The following BNC2 variants were observed in gnomAD, a reference collection of about 807,000 sequenced individuals.
BNC2 encodes zinc finger protein basonuclin-2.
In BNC2, 20 loss-of-function variants were observed where a neutral mutation model predicts 76.3. That is an observed-to-expected ratio of 0.26 (90% CI 0.18 to 0.38). The LOEUF (loss-of-function observed/expected upper bound fraction) is 0.38. Among genes scored for constraint, BNC2 ranks in the 10% least tolerant of loss-of-function variants. The pLI is 1.00. For missense variants in BNC2, 1,382 were observed against 1,399.8 expected, an observed-to-expected ratio of 0.99 and a Z score of 0.20; for synonymous variants, 582 against 514.8, an observed-to-expected ratio of 1.13 and a Z score of -1.77.
chr9:16,727,117 C>CGGCGGGCCGGCGGGCG (rs1242018273), intron 3 of BNC2: 5 of 152,716 alleles, frequency 3.3e-5, no homozygotes, highest in Admixed American at 3.3e-4. Context: ...GTGAGTGCGC[C>CGGCGGGCCGGCGGGCG]GGCGGGCCGG....
intron 5 of BNC2, among the ~76,000 whole-genome samples, chr9:16,512,963 C>T (rs1045334613): frequency 6.6e-5 from 10 of 151,992 alleles, no homozygotes; most frequent in African/African-American, 2.2e-4. Context: ...TGGTGAAACC[C>T]GTCTCCACTA....
In BNC2 at chr9:16,506,514, T is replaced by C. The variant is rs556498902; in HGVS notation, c.669+46016A>G. 0.013 allele frequency among the ~76,000 whole-genome samples: 164 copies of C among 12,342 alleles called. 4 individuals carry two copies. In the South Asian group the frequency reaches 0.28, roughly 21 times the overall value. 8.1% of individuals were successfully genotyped at this position (12,342 alleles called of 152,430 possible). A position where few individuals can be genotyped will look rare whatever the true frequency, so the allele number is the denominator to read the frequency against. On this transcript the variant is annotated intron_variant, in intron 5 of 6. Transcript: ENST00000380672. ...TACACTTCTCTCTCTCTCTCTCCTC[T>C]TTTTTTTTTTTTTTTTTTTTTTTTT...
chr9:16,825,054 T>C (rs1480409506), intron 1 of BNC2, among the ~76,000 whole-genome samples: 1 of 151,658 alleles, frequency 6.6e-6, no homozygotes, highest in Non-Finnish European at 1.5e-5. Flanking sequence ...CTTTTTTTTT[T>C]CTTTCTGTAA....
intron 4 of BNC2, among the ~76,000 whole-genome samples, chr9:16,567,461 G>A (rs977921263): frequency 4.6e-5 from 7 of 152,058 alleles, no homozygotes; most frequent in Non-Finnish European, 8.8e-5. Context: ...CATGAAATGC[G>A]AATAACAATT....
At chr9:16,719,625 C>A (rs1170769986) in intron 3 of BNC2, among the ~76,000 whole-genome samples, 1 of 152,196 alleles carries the variant, frequency 6.6e-6, no homozygotes, top group Non-Finnish European at 1.5e-5. Context: ...AAAGCTATGT[C>A]TTTCCCATAC....
intron 3 of BNC2, among the ~76,000 whole-genome samples, chr9:16,724,184 G>C (rs78790757): frequency 0.014 from 2,204 of 152,026 alleles, 47 homozygotes; most frequent in African/African-American, 0.049. Context: ...GTGGGCTATA[G>C]CTATATACCT....
intron 1 of BNC2, among the ~76,000 whole-genome samples, chr9:16,870,359 C>A (rs958979916): frequency 6.6e-5 from 10 of 152,136 alleles, no homozygotes; most frequent in Admixed American, 1.3e-4. Flanking sequence ...GCGCGGAAGC[C>A]GCGAGCGGGG....
chr9:16,665,454 GAAA>G (rs777010042), intron 3 of BNC2, among the ~76,000 whole-genome samples: 1,290 of 113,928 alleles, frequency 0.011, 9 homozygotes, highest in South Asian at 0.02. Flanking sequence ...AAGAAAGAAA[GAAA>G]GAAAGAAAGA....
intron 3 of BNC2, among the ~76,000 whole-genome samples, chr9:16,608,723 TAATA>T: frequency 6.6e-6 from 1 of 152,182 alleles, no homozygotes; most frequent in Admixed American, 6.5e-5. Context: ...CCTAATTACT[TAATA>T]GATAAGTTGA....
At position 16,639,343 on chromosome 9, in the gene BNC2, A is replaced by G. The variant is rs1330818077; in HGVS notation, c.331-56258T>C. Among the ~76,000 whole-genome samples the G allele has an allele frequency of 2.6e-5, 4 of 152,182 alleles. No individual in the cohort carries two copies. In the East Asian group the frequency reaches 7.7e-4, roughly 29 times the overall value. Reference sequence around the variant, plus strand: ...TATTAAATTTTAGCATTTGCTTACTAATTACCAACATCTAGAAAGAAGAAA... The same window carrying G: ...TATTAAATTTTAGCATTTGCTTACTGATTACCAACATCTAGAAAGAAGAAA... On this transcript the variant is annotated intron_variant, in intron 3 of 6. Coordinates refer to ENST00000380672, the MANE Select transcript of BNC2 (RefSeq NM_017637.6).
At chr9:16,779,114 TAAAAAA>T (rs143267899) in intron 1 of BNC2, among the ~76,000 whole-genome samples, 5 of 85,568 alleles carry the variant, frequency 5.8e-5, no homozygotes, top group Admixed American at 3.0e-4. Flanking sequence ...ACAAAAATTG[TAAAAAA>T]AAAAAAAAAA....
intron 5 of BNC2, among the ~76,000 whole-genome samples, chr9:16,498,036 T>C (rs1822430685): frequency 6.7e-6 from 1 of 148,958 alleles, no homozygotes; most frequent in South Asian, 2.1e-4. Flanking sequence ...CCACCATATA[T>C]ATATTCCATC....
intron 1 of BNC2, among the ~76,000 whole-genome samples, chr9:16,793,710 G>A (rs1307887197): frequency 7.9e-6 from 1 of 126,112 alleles, no homozygotes; most frequent in Non-Finnish European, 1.6e-5. Flanking sequence ...CTGTCCCCCA[G>A]GCTTGAGTGC....
At chr9:16,741,504 G>A (rs2135164237) in intron 1 of BNC2, among the ~76,000 whole-genome samples, 1 of 152,024 alleles carries the variant, frequency 6.6e-6, no homozygotes, top group Non-Finnish European at 1.5e-5. Context: ...AACAGAAATG[G>A]CAAATAGTAG....
intron 3 of BNC2, among the ~76,000 whole-genome samples, chr9:16,699,409 G>T (rs1823441685): frequency 6.6e-6 from 1 of 152,212 alleles, no homozygotes; most frequent in Admixed American, 6.5e-5. Flanking sequence ...GAATTATGCT[G>T]CTCAGTGACT....
intron 4 of BNC2, chr9:16,579,932 T>C: frequency 7.6e-6 from 3 of 396,104 alleles, no homozygotes; most frequent in Non-Finnish European, 4.4e-6. Flanking sequence ...TAATGACAGG[T>C]AGAATGCATT....
rs373561273 is a variant in BNC2 at position 16,691,900 on chromosome 9, T to G, written c.330+35897A>C. ...ATCTCAGCTCACTGCAACCTCTGCC[T>G]CCCGGGTTCAAGTGATTCTCCTGCC... On this transcript the variant is annotated intron_variant, in intron 3 of 6. Coordinates refer to ENST00000380672, the MANE Select transcript of BNC2 (RefSeq NM_017637.6). 3.6e-4 allele frequency among the ~76,000 whole-genome samples: 54 copies of G among 150,296 alleles called. No homozygotes were observed. The East Asian group carries it at 8.7e-3, about 24-fold the overall frequency.
At chr9:16,504,567 C>T (rs886424960) in intron 5 of BNC2, among the ~76,000 whole-genome samples, 1 of 152,120 alleles carries the variant, frequency 6.6e-6, no homozygotes, top group African/African-American at 2.4e-5. Context: ...CCTCCAAATA[C>T]TGGAGATCAG....
At chr9:16,749,565 T>C (rs986316504) in intron 1 of BNC2, among the ~76,000 whole-genome samples, 1 of 152,112 alleles carries the variant, frequency 6.6e-6, no homozygotes, top group African/African-American at 2.4e-5. Flanking sequence ...CCAGGTGTGG[T>C]GGCACATGCC....
Sources: gnomAD v4.1 joint callset for allele counts (sites outside exome capture counted in the v4.1 genomes callset) on GRCh38, gnomAD v4.1.1 for gene constraint, MANE v1.5 for transcripts, NCBI Gene and HGNC (gene_info 2026-07-23, HGNC 2026-07-21) for gene names.